The following MS4A10 variants were observed in gnomAD, a reference collection of about 807,000 sequenced individuals.
MS4A10 encodes the protein membrane spanning 4-domains A10.
A neutral mutation model predicts 27.7 loss-of-function variants in MS4A10; 27 were observed. The observed-to-expected ratio is 0.98, with a 90% CI of 0.72 to 1.35. MS4A10 has a LOEUF of 1.35. Ranked by LOEUF, MS4A10 falls within the 40% of genes most tolerant of loss-of-function variation. The probability of loss-of-function intolerance (pLI) is 0.00; values close to 1 mark genes in which losing one functional copy is unlikely to be tolerated. For missense variants in MS4A10, 338 were observed against 324.7 expected (o/e 1.04, Z -0.32); for synonymous variants, 139 against 131.2 (o/e 1.06, Z -0.41).
chr11:60,790,106 C>A (rs564895138), intron 1 of MS4A10, among the ~76,000 whole-genome samples: 1,728 of 152,280 alleles, frequency 0.011, 19 homozygotes, highest in Non-Finnish European at 0.017. Context: ...TTTGCAACCC[C>A]AGAAAGGCTG....
chr11:60,795,495 G>A (rs538761961), intron 5 of MS4A10, 60 bp from the exon 6 acceptor site: 52 of 1,158,666 alleles, frequency 4.5e-5, no homozygotes, highest in East Asian at 2.9e-4. Flanking sequence ...CTAAGCCCAC[G>A]TGATGCGTGC....
intron 7 of MS4A10, among the ~76,000 whole-genome samples, chr11:60,799,245 T>C (rs763451723): frequency 6.6e-6 from 1 of 152,176 alleles, no homozygotes; most frequent in East Asian, 1.9e-4. Context: ...CCAGTAAAAC[T>C]TCAGCCTCGG....
At chr11:60,792,238 C>T (rs1854443022) in intron 3 of MS4A10, 27 bp from the exon 4 acceptor site, 2 of 1,602,960 alleles carry the variant, frequency 1.2e-6, no homozygotes, top group Non-Finnish European at 1.7e-6. Context: ...CAGCTTCTCT[C>T]CTTTGACTTT....
chr11:60,792,715 G>T (rs763438557), intron 4 of MS4A10, among the ~76,000 whole-genome samples: 1 of 152,164 alleles, frequency 6.6e-6, no homozygotes, highest in African/African-American at 2.4e-5. Flanking sequence ...CTCTCTAAGA[G>T]CCAGGCAGAT....
chr11:60,798,303 A>T, intron 6 of MS4A10, 93 bp from the exon 7 acceptor site: 3 of 946,264 alleles, frequency 3.2e-6, no homozygotes, highest in Admixed American at 3.9e-5. Context: ...GGAGAACTTG[A>T]GTCTTCAGAA....
At position 60,790,480 on chromosome 11, in the gene MS4A10, A is replaced by C. The variant is rs112470885; in HGVS notation, c.145A>C (p.Lys49Gln). The change falls in exon 2 of 8, where the codon AAG (lysine) becomes CAG (glutamine). Residue 49 changes from lysine to glutamine, a missense_variant. Coordinates refer to ENST00000308287, the MANE Select transcript of MS4A10 (RefSeq NM_206893.4). ...GCTCCTGGCTCCACACCAGCACGAG[A>C]AGTCCCAGAAGAAGAGCAGCCTTCT... ...PKLLAPHQHE[K>Q]SQKKSSLLKE... 1 of 1,614,150 alleles carries C rather than the reference A, an allele frequency of 6.2e-7. No individual in the cohort carries two copies. The highest frequency in any genetic ancestry group is 1.3e-5 in the African/African-American group (1 of 75,062).
intron 1 of MS4A10, 76 bp from the exon 2 acceptor site, chr11:60,790,238 T>G (rs998385387): frequency 2.2e-5 from 27 of 1,241,248 alleles, no homozygotes; most frequent in Non-Finnish European, 2.9e-5. Flanking sequence ...TAAACAGAGG[T>G]GATTGGCAGA....
intron 7 of MS4A10, among the ~76,000 whole-genome samples, chr11:60,799,338 G>GGAAT (rs1854590741): frequency 6.6e-6 from 1 of 152,150 alleles, no homozygotes; most frequent in Admixed American, 6.5e-5. Flanking sequence ...AGTCATCTGA[G>GGAAT]GAATAGTCTT....
In MS4A10 at chr11:60,786,398, T is replaced by G. The variant is rs536018071; in HGVS notation, c.-23+977T>G. Among the ~76,000 whole-genome samples the G allele has an allele frequency of 2.6e-5, 4 of 152,194 alleles. No individual in the cohort carries two copies. The East Asian group carries it at 7.8e-4, about 30-fold the overall frequency. On this transcript the variant is annotated intron_variant, in intron 1 of 7. Transcript: ENST00000308287. The stretch of plus-strand genomic sequence containing the variant: ...ACAAACAAATCCACGAATGACAGTG[T>G]TGGATCTCAGATCACTAGCTCAATA...
chr11:60,788,722 C>T (rs1185197729), intron 1 of MS4A10, among the ~76,000 whole-genome samples: 2 of 152,214 alleles, frequency 1.3e-5, no homozygotes. Context: ...CCTCTGCCCA[C>T]TCACCCCACT....
At chr11:60,786,109 A>C (rs752304855) in intron 1 of MS4A10, among the ~76,000 whole-genome samples, 1 of 151,488 alleles carries the variant, frequency 6.6e-6, no homozygotes, top group Non-Finnish European at 1.5e-5. Flanking sequence ...CACTCTTGTC[A>C]CTCAGCACCT....
rs566882240 is a variant in MS4A10 at position 60,791,206 on chromosome 11, G to A, written c.303+113G>A. On this transcript the variant is annotated intron_variant, in intron 3 of 7. Transcript: ENST00000308287. The stretch of plus-strand genomic sequence containing the variant: ...GGATAGAGAGAGCTAATAGGAGTGC[G>A]GCAGAAGCGAGGCCCTTTCTCCAGT... 3.0e-5 allele frequency: 42 copies of A among 1,393,926 alleles called. 1 individual carries two copies. The highest frequency in any genetic ancestry group is 1.1e-4 in the Admixed American group (5 of 46,388). 86.3% of individuals were successfully genotyped at this position (1,393,926 alleles called of 1,614,324 possible).
In MS4A10 at chr11:60,795,793, C is replaced by T. The variant is rs112173334; in HGVS notation, c.603+128C>T. ...TTCATTCATTCCTCACGTTGCTGAG[C>T]GTTCACTAAGTGACAGCCCACGATC... On this transcript the variant is annotated intron_variant, in intron 6 of 7. Transcript: ENST00000308287. 10 of 539,904 alleles carry T rather than the reference C, an allele frequency of 1.9e-5. 1 individual carries two copies. The highest frequency in any genetic ancestry group is 1.2e-4 in the South Asian group (3 of 24,662). 33.4% of individuals were successfully genotyped at this position (539,904 alleles called of 1,614,324 possible).
chr11:60,795,428 G>T, intron 5 of MS4A10, 127 bp from the exon 6 acceptor site: 1 of 496,688 alleles, frequency 2.0e-6, no homozygotes, highest in Non-Finnish European at 3.4e-6. Flanking sequence ...ACGCACACCT[G>T]GGAGCTGAAA....
chr11:60,786,499 T>C (rs1428243450), intron 1 of MS4A10, among the ~76,000 whole-genome samples: 5 of 148,430 alleles, frequency 3.4e-5, no homozygotes, highest in Non-Finnish European at 7.5e-5. Flanking sequence ...CCTCTCCCCC[T>C]GTAAGCAGGA....
chr11:60,789,468 C>T (rs1365398633), intron 1 of MS4A10, among the ~76,000 whole-genome samples: 1 of 152,206 alleles, frequency 6.6e-6, no homozygotes, highest in Non-Finnish European at 1.5e-5. Context: ...GTGTGTCCAG[C>T]CCCCTTCTAA....
intron 5 of MS4A10, 147 bp downstream of exon 5, chr11:60,794,250 T>A (rs1854484645): frequency 1.1e-6 from 1 of 878,260 alleles, no homozygotes; most frequent in Non-Finnish European, 1.7e-6. Context: ...TTCTGTCCCC[T>A]ACAAGGTGTG....
chr11:60,786,181 A>G lies in MS4A10; in HGVS notation c.-23+760A>G, dbSNP rs981540312. On this transcript the variant is annotated intron_variant, in intron 1 of 7. Coordinates refer to ENST00000308287, the MANE Select transcript of MS4A10 (RefSeq NM_206893.4). ...CATGCATGCACACACATGCACACACACACACACGCACACACACACACACAC... is the reference window on the plus strand; with the variant it reads ...CATGCATGCACACACATGCACACACGCACACACGCACACACACACACACAC... Among the ~76,000 whole-genome samples the G allele has an allele frequency of 3.8e-5, 5 of 132,406 alleles. No homozygotes were observed. In the South Asian group the frequency reaches 6.5e-4, roughly 17 times the overall value. 86.9% of individuals were successfully genotyped at this position (132,406 alleles called of 152,430 possible).
At chr11:60,788,852 T>C (rs1019510370) in intron 1 of MS4A10, among the ~76,000 whole-genome samples, 3 of 152,210 alleles carry the variant, frequency 2.0e-5, no homozygotes, top group Non-Finnish European at 4.4e-5. Context: ...TCCAGGCACT[T>C]CCTCACTGTG....
Sources: allele counts gnomAD v4.1 joint callset (sites outside exome capture counted in the v4.1 genomes callset), GRCh38; gene constraint gnomAD v4.1.1; transcripts MANE v1.5; gene names NCBI Gene and HGNC (gene_info 2026-07-23, HGNC 2026-07-21).